Variants in CNTNAP2 observed in about 807,000 individuals in gnomAD.
CNTNAP2 encodes contactin-associated protein-like 2.
In CNTNAP2, 98 loss-of-function variants were observed where a neutral mutation model predicts 155.2. The ratio of observed to expected loss-of-function variants is 0.63; its 90% CI spans 0.54 to 0.75. The LOEUF (loss-of-function observed/expected upper bound fraction) is 0.75. Ranked by LOEUF, CNTNAP2 falls within the 30% of genes least tolerant of loss-of-function variation. The probability of loss-of-function intolerance (pLI) is 0.00; values close to 1 mark genes in which losing one functional copy is unlikely to be tolerated. For synonymous variants in CNTNAP2, 651 were observed against 631.2 expected (o/e 1.03, Z -0.47); for missense variants, 1,727 against 1,688.1 (o/e 1.02, Z -0.40).
chr7:147,456,778 T>C (rs1358540), intron 10 of CNTNAP2, among the ~76,000 whole-genome samples: 116,450 of 152,132 alleles, frequency 0.77, 44,760 homozygotes, highest in African/African-American at 0.84. Flanking sequence ...GCAGTGTTAA[T>C]GGAATGGACG....
chr7:147,332,260 CA>C (rs1795583745), intron 9 of CNTNAP2, among the ~76,000 whole-genome samples: 1 of 152,086 alleles, frequency 6.6e-6, no homozygotes, highest in Non-Finnish European at 1.5e-5. Flanking sequence ...TACCAAACTT[CA>C]AGAAAAATAA....
intron 22 of CNTNAP2, among the ~76,000 whole-genome samples, chr7:148,399,023 A>T: frequency 6.6e-6 from 1 of 152,206 alleles, no homozygotes. Context: ...TCTTGCTAAT[A>T]CTGCTTTGCT....
At chr7:147,447,144 C>A (rs1233039264) in intron 10 of CNTNAP2, among the ~76,000 whole-genome samples, 2 of 151,904 alleles carry the variant, frequency 1.3e-5, no homozygotes, top group African/African-American at 4.8e-5. Flanking sequence ...AGATAAGGGG[C>A]GCTTATTTCA....
Position 147,168,637 on chromosome 7 carries a change from A to G in CNTNAP2, c.1348+36128A>G, listed in dbSNP as rs190015695. Among the ~76,000 whole-genome samples the G allele has an allele frequency of 3.0e-3, 460 of 152,244 alleles. 11 individuals are homozygous for G. Among genetic ancestry groups the G allele is most frequent in the East Asian group, 1.5e-3 (8 of 5,184 alleles). On this transcript the variant is annotated intron_variant, in intron 8 of 23. Coordinates refer to ENST00000361727, the MANE Select transcript of CNTNAP2 (RefSeq NM_014141.6). ...TAGATTATATTGGAATTCCATTTCC[A>G]TTATATTGAAGTTACTTTTTCCATT...
At chr7:146,393,839 G>A (rs1795581169) in intron 1 of CNTNAP2, among the ~76,000 whole-genome samples, 1 of 152,016 alleles carries the variant, frequency 6.6e-6, no homozygotes, top group African/African-American at 2.4e-5. Flanking sequence ...TAAAGATAGG[G>A]TAATTTAAAA....
At chr7:147,104,580 G>A (rs1256866513) in intron 4 of CNTNAP2, among the ~76,000 whole-genome samples, 1 of 151,134 alleles carries the variant, frequency 6.6e-6, no homozygotes, top group Non-Finnish European at 1.5e-5. Context: ...AACATTTGAT[G>A]GGGAAACGGT....
At chr7:147,459,287 C>G (rs1563212285) in intron 10 of CNTNAP2, among the ~76,000 whole-genome samples, 1 of 152,290 alleles carries the variant, frequency 6.6e-6, no homozygotes, top group South Asian at 2.1e-4. Context: ...TATCCTCTCT[C>G]CACATTCTGC....
chr7:146,442,973 G>C (rs1048110401), intron 1 of CNTNAP2, among the ~76,000 whole-genome samples: 1 of 152,130 alleles, frequency 6.6e-6, no homozygotes, highest in South Asian at 2.1e-4. Context: ...TTGGGAGGCC[G>C]AGGCGGGCAG....
intron 8 of CNTNAP2, among the ~76,000 whole-genome samples, chr7:147,205,035 G>A (rs1802993996): frequency 2.0e-5 from 3 of 151,998 alleles, no homozygotes; most frequent in Admixed American, 6.6e-5. Flanking sequence ...CTATAGCTTT[G>A]TAGTACACTA....
At chr7:147,453,965 G>T (rs1797876825) in intron 10 of CNTNAP2, among the ~76,000 whole-genome samples, 1 of 151,866 alleles carries the variant, frequency 6.6e-6, no homozygotes, top group African/African-American at 2.4e-5. Context: ...GATGCGCCAT[G>T]TTCTCTTATT....
intron 13 of CNTNAP2, among the ~76,000 whole-genome samples, chr7:147,858,254 C>T (rs565905797): frequency 6.6e-6 from 1 of 151,924 alleles, no homozygotes; most frequent in Non-Finnish European, 1.5e-5. Flanking sequence ...GCCCAGCTAA[C>T]TTTTGTATTC....
At chr7:148,071,150 G>A (rs755134873) in intron 15 of CNTNAP2, among the ~76,000 whole-genome samples, 1 of 152,062 alleles carries the variant, frequency 6.6e-6, no homozygotes, top group African/African-American at 2.4e-5. Flanking sequence ...AGTTTTATGA[G>A]ACCAAGTACA....
intron 3 of CNTNAP2, among the ~76,000 whole-genome samples, chr7:147,007,821 C>G (rs1798551658): frequency 6.6e-6 from 1 of 152,058 alleles, no homozygotes; most frequent in Non-Finnish European, 1.5e-5. Context: ...GAAAATCATA[C>G]TCACTCTCCA....
At chr7:146,243,886 T>G (rs942485280) in intron 1 of CNTNAP2, among the ~76,000 whole-genome samples, 6 of 151,870 alleles carry the variant, frequency 4.0e-5, no homozygotes, top group African/African-American at 1.5e-4. Flanking sequence ...ACAGCGAAAA[T>G]TTTTGGAGAT....
chr7:148,311,377 G>A (rs1022011738), intron 21 of CNTNAP2, among the ~76,000 whole-genome samples: 20 of 152,128 alleles, frequency 1.3e-4, no homozygotes, highest in African/African-American at 4.8e-4. Flanking sequence ...ATTAGAAACG[G>A]CTAGGAGAGA....
chr7:146,307,505 AG>A (rs1238321185), intron 1 of CNTNAP2, among the ~76,000 whole-genome samples: 1 of 152,210 alleles, frequency 6.6e-6, no homozygotes, highest in Non-Finnish European at 1.5e-5. Flanking sequence ...GAACCAAAAA[AG>A]AGTCAGCATT....
At chr7:147,825,558 T>C (rs1299094826) in intron 13 of CNTNAP2, among the ~76,000 whole-genome samples, 1 of 152,224 alleles carries the variant, frequency 6.6e-6, no homozygotes, top group African/African-American at 2.4e-5. Flanking sequence ...ATGATAATAG[T>C]ATTCTCCAAT....
intron 8 of CNTNAP2, 98 bp downstream of exon 8, chr7:147,132,607 G>A: frequency 1.3e-6 from 2 of 1,488,084 alleles, no homozygotes; most frequent in Non-Finnish European, 1.9e-6. Flanking sequence ...ACACGCTCAG[G>A]ATTAGGTTTT....
chr7:148,037,225 T>G (rs1802587216), intron 15 of CNTNAP2, among the ~76,000 whole-genome samples: 1 of 152,208 alleles, frequency 6.6e-6, no homozygotes, highest in Non-Finnish European at 1.5e-5. Flanking sequence ...CAGAAGTCAC[T>G]TATATCTTGC....
Sources: gnomAD v4.1 joint callset for allele counts (sites outside exome capture counted in the v4.1 genomes callset) on GRCh38, gnomAD v4.1.1 for gene constraint, MANE v1.5 for transcripts, NCBI Gene and HGNC (gene_info 2026-07-23, HGNC 2026-07-21) for gene names.